COG5: variants seen among roughly 807,000 people sequenced by gnomAD.
COG5 encodes conserved oligomeric Golgi complex subunit 5.
COG5 carries 86 observed loss-of-function variants against 110.4 expected under a neutral mutation model. That is an observed-to-expected ratio of 0.78 (90% CI 0.65 to 0.93). The LOEUF (loss-of-function observed/expected upper bound fraction) is 0.93, where lower values mean the gene tolerates loss of function less well. Ranked by LOEUF, COG5 falls within the 40% of genes least tolerant of loss-of-function variation. The pLI, the probability that COG5 is intolerant of heterozygous loss-of-function variation, is 0.00. For synonymous variants in COG5, 360 were observed against 334.6 expected (o/e 1.08, Z -0.83); for missense variants, 1,077 against 987.0 (o/e 1.09, Z -1.22).
At chr7:107,483,987 G>A (rs1307573964) in intron 6 of COG5, among the ~76,000 whole-genome samples, 1 of 151,910 alleles carries the variant, frequency 6.6e-6, no homozygotes. Context: ...TCAGTGTTAG[G>A]AAGAAAGCAG....
intron 10 of COG5, among the ~76,000 whole-genome samples, chr7:107,361,808 C>A (rs1007994701): frequency 6.6e-6 from 1 of 152,214 alleles, no homozygotes. Context: ...GATCCACCCA[C>A]CTTGGCCTCC....
intron 6 of COG5, among the ~76,000 whole-genome samples, chr7:107,456,727 C>T (rs992268282): frequency 1.3e-5 from 2 of 152,140 alleles, no homozygotes; most frequent in African/African-American, 4.8e-5. Flanking sequence ...CTCAAAAAGG[C>T]CAGGCAAAGA....
At chr7:107,424,204 C>CA (rs1793487441) in intron 6 of COG5, among the ~76,000 whole-genome samples, 3 of 151,966 alleles carry the variant, frequency 2.0e-5, no homozygotes, top group Non-Finnish European at 4.4e-5. Flanking sequence ...ACCCAGGAGA[C>CA]AGAGGTTGCA....
At chr7:107,509,636 G>A (rs1048320097) in intron 6 of COG5, among the ~76,000 whole-genome samples, 3 of 152,160 alleles carry the variant, frequency 2.0e-5, no homozygotes, top group African/African-American at 7.2e-5. Context: ...AAATGTTAAG[G>A]GCAGCCAGAG....
intron 17 of COG5, among the ~76,000 whole-genome samples, chr7:107,242,603 TG>T (rs1260037231): frequency 6.6e-6 from 1 of 152,174 alleles, no homozygotes; most frequent in Non-Finnish European, 1.5e-5. Context: ...TTGTCACCCC[TG>T]GATTAATGAA....
intron 7 of COG5, among the ~76,000 whole-genome samples, chr7:107,404,665 T>C (rs928146425): frequency 4.6e-5 from 7 of 151,906 alleles, no homozygotes; most frequent in Non-Finnish European, 7.4e-5. Context: ...CACGTTTAAA[T>C]GTTGATGAGA....
chr7:107,547,759 A>C (rs1802551873), intron 5 of COG5, among the ~76,000 whole-genome samples: 1 of 152,014 alleles, frequency 6.6e-6, no homozygotes, highest in African/African-American at 2.4e-5. Context: ...AAATAATCAG[A>C]AAAACAATCC....
At chr7:107,456,852 A>G (rs1795694791) in intron 6 of COG5, among the ~76,000 whole-genome samples, 1 of 152,240 alleles carries the variant, frequency 6.6e-6, no homozygotes, top group African/African-American at 2.4e-5. Context: ...GGAGCATTCA[A>G]TATGGCTCTA....
intron 10 of COG5, among the ~76,000 whole-genome samples, chr7:107,361,647 T>C (rs1460728413): frequency 6.6e-6 from 1 of 152,194 alleles, no homozygotes; most frequent in African/African-American, 2.4e-5. Context: ...CTGCAACCTC[T>C]GCCTCCTGGT....
chr7:107,443,244 C>A lies in COG5; in HGVS notation c.539-30612G>T, dbSNP rs1485472581. Among the ~76,000 whole-genome samples, 6 of 152,070 alleles carry A rather than the reference C, an allele frequency of 3.9e-5. No individual in the cohort carries two copies. In the South Asian group the frequency reaches 1.0e-3, roughly 26 times the overall value. On this transcript the variant is annotated intron_variant, in intron 6 of 21. Transcript: ENST00000297135. ...TGAAAATATATACTAAGTGAAAGAGCCCGGCATAAAAGATCATATATTATA... is the reference window on the plus strand; with the variant it reads ...TGAAAATATATACTAAGTGAAAGAGACCGGCATAAAAGATCATATATTATA...
intron 1 of COG5, among the ~76,000 whole-genome samples, chr7:107,559,560 A>C (rs781484086): frequency 6.6e-6 from 1 of 152,242 alleles, no homozygotes; most frequent in Non-Finnish European, 1.5e-5. Context: ...TGAATTAACT[A>C]ATCTATACAT....
intron 5 of COG5, among the ~76,000 whole-genome samples, chr7:107,538,928 T>C (rs942648606): frequency 3.9e-5 from 6 of 152,190 alleles, no homozygotes; most frequent in Non-Finnish European, 8.8e-5. Flanking sequence ...TATTTGACCA[T>C]ATAAGTAAAG....
intron 19 of COG5, among the ~76,000 whole-genome samples, chr7:107,215,581 G>A (rs555332584): frequency 2.7e-5 from 4 of 145,636 alleles, no homozygotes; most frequent in Non-Finnish European, 4.7e-5. Context: ...GGAGAATGGC[G>A]TGAACCCGGG....
intron 19 of COG5, among the ~76,000 whole-genome samples, chr7:107,224,625 C>T (rs533230810): frequency 6.6e-6 from 1 of 152,238 alleles, no homozygotes; most frequent in East Asian, 1.9e-4. Context: ...CTTTTCTGCC[C>T]TTTGCCTCAC....
At chr7:107,435,427 T>C (rs1178526779) in intron 6 of COG5, among the ~76,000 whole-genome samples, 1 of 152,028 alleles carries the variant, frequency 6.6e-6, no homozygotes, top group African/African-American at 2.4e-5. Flanking sequence ...CCAAGGTAGG[T>C]GGATCACTTG....
At chr7:107,505,966 G>GGGTACCA (rs1424421184) in intron 6 of COG5, among the ~76,000 whole-genome samples, 9 of 152,196 alleles carry the variant, frequency 5.9e-5, no homozygotes, top group African/African-American at 2.2e-4. Flanking sequence ...ACCAGTACCA[G>GGGTACCA]CTCTGATGGG....
At chr7:107,359,152 T>A (rs1290233051) in intron 10 of COG5, among the ~76,000 whole-genome samples, 1 of 152,158 alleles carries the variant, frequency 6.6e-6, no homozygotes, top group African/African-American at 2.4e-5. Flanking sequence ...GGCATCCCTG[T>A]GTTCTTGGTG....
chr7:107,523,146 C>T (rs1800455484), intron 6 of COG5, among the ~76,000 whole-genome samples: 1 of 152,128 alleles, frequency 6.6e-6, no homozygotes, highest in Admixed American at 6.5e-5. Context: ...AACTGATGAA[C>T]AACATTGACT....
At chr7:107,504,784 C>T (rs576499547) in intron 6 of COG5, among the ~76,000 whole-genome samples, 1 of 152,112 alleles carries the variant, frequency 6.6e-6, no homozygotes, top group African/African-American at 2.4e-5. Flanking sequence ...AGTTGATATG[C>T]ATAGGGGTGT....
Sources: allele counts gnomAD v4.1 joint callset (sites outside exome capture counted in the v4.1 genomes callset), GRCh38; gene constraint gnomAD v4.1.1; transcripts MANE v1.5; gene names NCBI Gene and HGNC (gene_info 2026-07-23, HGNC 2026-07-21).